The following ERBB4 variants were observed in gnomAD, a reference collection of about 807,000 sequenced individuals.
The protein encoded by ERBB4 is erb-b2 receptor tyrosine kinase 4.
ERBB4 carries 42 observed loss-of-function variants against 158.0 expected under a neutral mutation model. That is an observed-to-expected ratio of 0.27 (90% CI 0.21 to 0.34). The LOEUF is 0.34. Ranked by LOEUF, ERBB4 falls within the 10% of genes least tolerant of loss-of-function variation. The pLI is 1.00. For missense variants in ERBB4, 1,333 were observed against 1,624.1 expected, an observed-to-expected ratio of 0.82 and a Z score of 3.08; for synonymous variants, 583 against 558.7, an observed-to-expected ratio of 1.04 and a Z score of -0.61.
At chr2:212,248,717 G>A (rs897541981) in intron 1 of ERBB4, among the ~76,000 whole-genome samples, 6 of 151,984 alleles carry the variant, frequency 3.9e-5, no homozygotes, top group African/African-American at 1.5e-4. Context: ...ATCAAAATTA[G>A]CTAGATTAGT....
At chr2:211,838,383 T>G (rs1314461681) in intron 3 of ERBB4, among the ~76,000 whole-genome samples, 1 of 152,016 alleles carries the variant, frequency 6.6e-6, no homozygotes, top group Non-Finnish European at 1.5e-5. Flanking sequence ...GAGATAATTT[T>G]AAAACACATG....
At chr2:211,805,495 T>C (rs1490812487) in intron 3 of ERBB4, among the ~76,000 whole-genome samples, 1 of 152,228 alleles carries the variant, frequency 6.6e-6, no homozygotes, top group African/African-American at 2.4e-5. Context: ...CGTATTTATT[T>C]AAAATATTTT....
chr2:211,520,956 T>C (rs1471122624), intron 20 of ERBB4, among the ~76,000 whole-genome samples: 2 of 152,152 alleles, frequency 1.3e-5, no homozygotes, highest in Non-Finnish European at 2.9e-5. Flanking sequence ...ATGTAGGTTC[T>C]AACTGCTCTA....
intron 3 of ERBB4, among the ~76,000 whole-genome samples, chr2:211,791,909 A>G (rs1354767633): frequency 6.6e-6 from 1 of 151,600 alleles, no homozygotes; most frequent in Non-Finnish European, 1.5e-5. Flanking sequence ...TATTTAGAGT[A>G]AATTGTAATC....
chr2:212,457,241 C>G (rs1688340003), intron 1 of ERBB4, among the ~76,000 whole-genome samples: 3 of 151,678 alleles, frequency 2.0e-5, no homozygotes, highest in Admixed American at 2.0e-4. Flanking sequence ...ATTTTTAAGC[C>G]CAAAGCCAGA....
At position 212,022,167 on chromosome 2, in the gene ERBB4, C is replaced by T. The variant is rs555154794; in HGVS notation, c.235-74551G>A. Reference sequence around the variant, plus strand: ...TACCATTTGACTCAGCATGACTCAGCAATTCCATTACTGGGAATATACTCA... The same window carrying T: ...TACCATTTGACTCAGCATGACTCAGTAATTCCATTACTGGGAATATACTCA... On this transcript the variant is annotated intron_variant, in intron 2 of 27. Transcript: ENST00000342788. Among the ~76,000 whole-genome samples the T allele has an allele frequency of 2.7e-5, 4 of 150,866 alleles. No homozygotes were observed. In the East Asian group the frequency reaches 7.8e-4, roughly 29 times the overall value.
At chr2:211,656,236 T>C (rs1446428945) in intron 16 of ERBB4, among the ~76,000 whole-genome samples, 2 of 152,222 alleles carry the variant, frequency 1.3e-5, no homozygotes, top group African/African-American at 2.4e-5. Context: ...GCAACACAAA[T>C]GTTTCATTTT....
At chr2:211,966,042 T>C (rs1470051379) in intron 2 of ERBB4, among the ~76,000 whole-genome samples, 1 of 152,000 alleles carries the variant, frequency 6.6e-6, no homozygotes, top group East Asian at 1.9e-4. Context: ...GGAGACCCTC[T>C]CTCTACAAAA....
chr2:212,397,253 T>A (rs768361314), intron 1 of ERBB4, among the ~76,000 whole-genome samples: 15 of 151,910 alleles, frequency 9.9e-5, no homozygotes, highest in Non-Finnish European at 8.8e-5. Flanking sequence ...GGCGGGAGGA[T>A]CACTTGAGCC....
intron 1 of ERBB4, among the ~76,000 whole-genome samples, chr2:212,301,921 C>T (rs920778880): frequency 2.0e-5 from 3 of 151,370 alleles, no homozygotes; most frequent in African/African-American, 7.3e-5. Flanking sequence ...AGATAAAAGA[C>T]TTTCAAGAAA....
intron 1 of ERBB4, among the ~76,000 whole-genome samples, chr2:212,533,151 C>T (rs1692847459): frequency 1.3e-5 from 2 of 152,058 alleles, no homozygotes; most frequent in African/African-American, 2.4e-5. Flanking sequence ...ATACAAATGC[C>T]TTTGAGTTAA....
chr2:211,417,762 C>G (rs973034185), intron 25 of ERBB4, among the ~76,000 whole-genome samples: 1 of 152,034 alleles, frequency 6.6e-6, no homozygotes, highest in African/African-American at 2.4e-5. Flanking sequence ...ATTGCATCAA[C>G]AAGCTTTTCA....
At chr2:211,643,045 C>T (rs2070655946) in intron 16 of ERBB4, among the ~76,000 whole-genome samples, 1 of 152,018 alleles carries the variant, frequency 6.6e-6, no homozygotes, top group Admixed American at 6.6e-5. Context: ...TTTAGTTTAT[C>T]CCTCACCCTC....
intron 1 of ERBB4, among the ~76,000 whole-genome samples, chr2:212,387,976 C>A (rs2090734330): frequency 6.6e-6 from 1 of 151,962 alleles, no homozygotes; most frequent in Non-Finnish European, 1.5e-5. Flanking sequence ...TTGAGGCTCA[C>A]CACCTAGAAG....
chr2:212,032,844 A>G (rs2076933107), intron 2 of ERBB4, among the ~76,000 whole-genome samples: 1 of 151,980 alleles, frequency 6.6e-6, no homozygotes, highest in Non-Finnish European at 1.5e-5. Context: ...AAATATTTAT[A>G]TGGAACTGAA....
chr2:211,938,929 A>C (rs1387448928), intron 3 of ERBB4, among the ~76,000 whole-genome samples: 2 of 152,180 alleles, frequency 1.3e-5, no homozygotes, highest in Non-Finnish European at 2.9e-5. Context: ...CATTACAGAT[A>C]AGAGTTTAGC....
At chr2:211,730,268 T>A (rs1190529987) in intron 5 of ERBB4, among the ~76,000 whole-genome samples, 1 of 152,008 alleles carries the variant, frequency 6.6e-6, no homozygotes, top group Non-Finnish European at 1.5e-5. Flanking sequence ...TAAATATTTA[T>A]TGTTGCTTCC....
At chr2:212,003,089 G>A (rs1156866961) in intron 2 of ERBB4, among the ~76,000 whole-genome samples, 23 of 125,520 alleles carry the variant, frequency 1.8e-4, no homozygotes, top group South Asian at 8.9e-4. Context: ...GAGAGAAAGA[G>A]AGACAGAGAC....
intron 20 of ERBB4, among the ~76,000 whole-genome samples, chr2:211,482,800 G>A (rs2065117671): frequency 6.6e-6 from 1 of 152,166 alleles, no homozygotes; most frequent in Non-Finnish European, 1.5e-5. Context: ...AGCTACGCGG[G>A]AGGCTGAGGC....
Sources: allele counts gnomAD v4.1 joint callset (sites outside exome capture counted in the v4.1 genomes callset), GRCh38; gene constraint gnomAD v4.1.1; transcripts MANE v1.5; gene names NCBI Gene and HGNC (gene_info 2026-07-23, HGNC 2026-07-21).